CYP46A1: variants seen among roughly 807,000 people sequenced by gnomAD.
CYP46A1 encodes the protein cytochrome P450 family 46 subfamily A member 1.
In CYP46A1, 20 loss-of-function variants were observed where a neutral mutation model predicts 63.3. The ratio of observed to expected loss-of-function variants is 0.32; its 90% confidence interval spans 0.22 to 0.46. The LOEUF (loss-of-function observed/expected upper bound fraction) is 0.46, where lower values mean the gene tolerates loss of function less well. Among genes scored for constraint, CYP46A1 ranks in the 20% least tolerant of loss-of-function variants. CYP46A1 has a pLI of 1.00. For missense variants in CYP46A1, 445 were observed against 670.8 expected, an observed-to-expected ratio of 0.66 and a Z score of 3.72; for synonymous variants, 268 against 273.6, an observed-to-expected ratio of 0.98 and a Z score of 0.20.
intron 3 of CYP46A1, among the ~76,000 whole-genome samples, chr14:99,692,938 A>G (rs1157355212): frequency 6.6e-6 from 1 of 152,170 alleles, no homozygotes; most frequent in Non-Finnish European, 1.5e-5. Flanking sequence ...TGGAGTTGGC[A>G]GAACTGGGCT....
At chr14:99,726,066 AG>A (rs1445861122) in intron 13 of CYP46A1, 123 bp from the exon 14 acceptor site, 1 of 814,652 alleles carries the variant, frequency 1.2e-6, no homozygotes, top group East Asian at 2.5e-5. Context: ...TTGCATGCAA[AG>A]TGCCCAGCCC....
chr14:99,698,882 A>G (rs2056607263), intron 3 of CYP46A1, among the ~76,000 whole-genome samples: 1 of 152,166 alleles, frequency 6.6e-6, no homozygotes, highest in South Asian at 2.1e-4. Flanking sequence ...GGAGTTTCAC[A>G]ATCCTGCACT....
At position 99,725,945 on chromosome 14, in the gene CYP46A1, C is replaced by T. The variant is rs1364840308; in HGVS notation, c.1266-245C>T. On this transcript the variant is annotated intron_variant, in intron 13 of 14. Coordinates refer to ENST00000261835, the MANE Select transcript of CYP46A1 (RefSeq NM_006668.2). This position sits in a 1 kb window ranked among gnomAD's most constrained non-coding sequence, Gnocchi z 4.2. ...GAGTGAGTTGTTTTGCCCCTCTGAG[C>T]CTCAGTTTCTCCATCTGTGAAATGG... Among the ~76,000 whole-genome samples, 1 of 152,208 alleles carries T rather than the reference C, an allele frequency of 6.6e-6. No individual in the cohort carries two copies. The highest frequency in any genetic ancestry group is 1.9e-4 in the East Asian group (1 of 5,194).
chr14:99,698,266 C>T (rs2056602395), intron 3 of CYP46A1, among the ~76,000 whole-genome samples: 1 of 151,988 alleles, frequency 6.6e-6, no homozygotes, highest in Admixed American at 6.6e-5. Context: ...CCCTCATGTA[C>T]CTCTGCCTGA....
At chr14:99,686,830 T>C (rs2056498561) in intron 1 of CYP46A1, among the ~76,000 whole-genome samples, 1 of 152,128 alleles carries the variant, frequency 6.6e-6, no homozygotes, top group Non-Finnish European at 1.5e-5. Context: ...AACTGAACAA[T>C]GCATATATAA....
rs183780779 is a variant in CYP46A1, at chr14:99,703,764, G to C, written c.444-2883G>C. 1.5e-4 allele frequency: 140 copies of C among 955,280 alleles called. No homozygotes were observed. In the African/African-American group the frequency reaches 2.0e-3, roughly 14 times the overall value. 59.2% of individuals were successfully genotyped at this position (955,280 alleles called of 1,614,324 possible). A position where few individuals can be genotyped will look rare whatever the true frequency, so the allele number is the denominator to read the frequency against. ...GGCAGAAGACGCACCCTGTCCCTGA[G>C]TCCTGCGCCCAGCACCAGGCACCCC... On this transcript the variant is annotated intron_variant, in intron 5 of 14. Transcript: ENST00000261835.
chr14:99,723,634 G>A (rs1323974363), intron 12 of CYP46A1, among the ~76,000 whole-genome samples: 3 of 152,196 alleles, frequency 2.0e-5, no homozygotes, highest in Middle Eastern at 3.2e-3. Context: ...AAAAACTCAC[G>A]TGTTAATCTT....
intron 7 of CYP46A1, chr14:99,713,402 C>T (rs983575515): frequency 5.3e-5 from 8 of 150,432 alleles, no homozygotes; most frequent in Admixed American, 2.0e-4. Context: ...TGCACTCCAG[C>T]CTGGGCGACA....
chr14:99,686,862 G>A lies in CYP46A1; in HGVS notation c.119+2326G>A, dbSNP rs563535075. Among the ~76,000 whole-genome samples, 24 of 152,288 alleles carry A rather than the reference G, an allele frequency of 1.6e-4. No homozygotes were observed. The South Asian group carries it at 3.9e-3, about 25-fold the overall frequency. On this transcript the variant is annotated intron_variant, in intron 1 of 14. Transcript: ENST00000261835. ...ATAAAAAGATTTTGGATTAAAAATT[G>A]GTTAGTGGTCAAATATAAAACTGCA...
At chr14:99,726,322 G>T in intron 14 of CYP46A1, 66 bp downstream of exon 14, 1 of 1,534,174 alleles carries the variant, frequency 6.5e-7, no homozygotes, top group East Asian at 2.3e-5. Flanking sequence ...ATCCTGAGCC[G>T]GGAAGCATCT....
chr14:99,707,769 TC>T, intron 7 of CYP46A1, 91 bp downstream of exon 7: 3 of 1,119,762 alleles, frequency 2.7e-6, no homozygotes, highest in Non-Finnish European at 3.9e-6. Context: ...TTTTTTTTTT[TC>T]CCAGAATGGG....
chr14:99,707,886 T>C (rs1253710162), intron 7 of CYP46A1: 1 of 558,298 alleles, frequency 1.8e-6, no homozygotes, highest in Non-Finnish European at 3.2e-6. Context: ...TAGGAGTTAA[T>C]CTTTCTCTCA....
In CYP46A1 at chr14:99,691,784, A is replaced by G; in HGVS notation, c.205A>G (p.Lys69Glu). The G allele has an allele frequency of 6.2e-7, 1 of 1,614,184 alleles. No individual in the cohort carries two copies. The highest frequency in any genetic ancestry group is 1.1e-5 in the South Asian group (1 of 91,076). The change falls in exon 3 of 15, where the codon AAG (lysine) becomes GAG (glutamate). Residue 69 changes from lysine to glutamate, a missense_variant. Lys to Glu is a moderately conservative substitution (Grantham distance 56). Around this residue, in one of 4 missense-constraint regions of CYP46A1, gnomAD observed 252 missense variants for 383.3 expected, o/e 0.66. Coordinates refer to ENST00000261835, the MANE Select transcript of CYP46A1 (RefSeq NM_006668.2). The part of the protein sequence containing the change: ...VLQDVFLDWA[K>E]KYGPVVRVNV... ...TCGGGTCACTTTGGTTTCCAGGGCTAAGAAGTATGGACCTGTTGTGCGGGT... is the reference window on the plus strand; with the variant it reads ...TCGGGTCACTTTGGTTTCCAGGGCTGAGAAGTATGGACCTGTTGTGCGGGT...
chr14:99,684,428 G>T lies in CYP46A1; in HGVS notation c.11G>T (p.Gly4Val). ...CCCTGCCCCGGAGCCATGAGCCCCG[G>T]GCTGCTGCTGCTCGGCAGCGCCGTC... is the stretch of plus-strand genomic sequence containing the variant. MSP[G>V]LLLLGSAVLL... Residue 4 changes from glycine to valine, a missense_variant, in exon 1 of 15, where the codon GGG becomes GTG. Gly to Val is a moderately radical substitution (Grantham distance 109). Around this residue, in one of 4 missense-constraint regions of CYP46A1, gnomAD observed 252 missense variants for 383.3 expected, o/e 0.66. Transcript: ENST00000261835. The T allele has an allele frequency of 6.8e-7, 1 of 1,464,204 alleles. No homozygotes were observed. Among genetic ancestry groups the T allele is most frequent in the South Asian group, 1.3e-5 (1 of 77,464 alleles). The allele number at this position is 1,464,204 out of a possible 1,614,324, so 90.7% of individuals were successfully genotyped here.
rs1394445538 is a variant in CYP46A1, at chr14:99,725,700, CAT to C, written c.1265+223_1265+224del. Among the ~76,000 whole-genome samples the C allele has an allele frequency of 2.0e-5, 3 of 152,232 alleles. No homozygotes were observed. Among genetic ancestry groups the C allele is most frequent in the Non-Finnish European group, 4.4e-5 (3 of 68,038 alleles). On this transcript the variant is annotated intron_variant, in intron 13 of 14. Transcript: ENST00000261835. This position sits in a 1 kb window ranked among gnomAD's most constrained non-coding sequence, Gnocchi z 4.2. Reference sequence around the variant, plus strand: ...TCAGTCTGGTTCTAAAGCTCATGCTCATAAGCAGCACCAAATACTGGGAAGCT... The same window carrying C: ...TCAGTCTGGTTCTAAAGCTCATGCTCAAGCAGCACCAAATACTGGGAAGCT...
At chr14:99,714,137 G>A (rs1257792674) in intron 7 of CYP46A1, among the ~76,000 whole-genome samples, 4 of 152,120 alleles carry the variant, frequency 2.6e-5, no homozygotes, top group Admixed American at 6.5e-5. Context: ...AATGTTCAAC[G>A]TCACTAATCA....
intron 3 of CYP46A1, among the ~76,000 whole-genome samples, chr14:99,694,295 C>CTT (rs35121420): frequency 1.8e-4 from 24 of 137,114 alleles, no homozygotes; most frequent in South Asian, 4.6e-4. Flanking sequence ...GATTTTCTTT[C>CTT]TTTTTTTTTT....
chr14:99,691,183 G>A lies in CYP46A1; in HGVS notation c.200+22G>A, dbSNP rs999572578. On this transcript the variant is annotated intron_variant, in intron 2 of 14. Transcript: ENST00000261835. Reference sequence around the variant, plus strand: ...ATTGGTGGGTTCTCATTTGTCACTTGTTGCCCTTACTCCAGGTTCCCTTGG... The same window carrying A: ...ATTGGTGGGTTCTCATTTGTCACTTATTGCCCTTACTCCAGGTTCCCTTGG... 6.2e-6 allele frequency: 10 copies of A among 1,613,392 alleles called. No homozygotes were observed. The Admixed American group carries it at 1.7e-4, about 27-fold the overall frequency.
rs756438043 is a variant in CYP46A1 at position 99,726,260 on chromosome 14, G to A, written c.1332+4G>A. Reference sequence around the variant, plus strand: ...CATCGGGCAGCAGTTTGCTCAGGTAGGAGGGGCAGGGCTGTGGTTCTGCCC... The same window carrying A: ...CATCGGGCAGCAGTTTGCTCAGGTAAGAGGGGCAGGGCTGTGGTTCTGCCC... On this transcript the variant is annotated splice_donor_region_variant and intron_variant, in intron 14 of 14. Coordinates refer to ENST00000261835, the MANE Select transcript of CYP46A1 (RefSeq NM_006668.2). 58 of 1,612,978 alleles carry A rather than the reference G, an allele frequency of 3.6e-5. No homozygotes were observed. In the Admixed American group the frequency reaches 7.0e-4, roughly 19 times the overall value.
Sources: allele counts gnomAD v4.1 joint callset (sites outside exome capture counted in the v4.1 genomes callset), GRCh38; gene constraint gnomAD v4.1.1; regional missense constraint gnomAD v4.1.1; non-coding constraint Gnocchi (gnomAD v3.1); transcripts MANE v1.5; gene names NCBI Gene and HGNC (gene_info 2026-07-23, HGNC 2026-07-21).